Variants in UBL3 observed in about 807,000 individuals in gnomAD.
The protein encoded by UBL3 is ubiquitin-like protein 3.
Under a neutral mutation model 18.4 loss-of-function variants are expected in UBL3, and 6 were observed. The observed-to-expected ratio is 0.33, with a 90% CI of 0.18 to 0.64. The LOEUF is 0.64. Ranked by LOEUF, UBL3 falls within the 30% of genes least tolerant of loss-of-function variation. UBL3 has a pLI of 0.76. For missense variants in UBL3, 109 were observed against 142.9 expected, an observed-to-expected ratio of 0.76 and a Z score of 1.21; for synonymous variants, 49 against 46.6, an observed-to-expected ratio of 1.05 and a Z score of -0.21.
chr13:29,826,483 G>A (rs575242504), intron 1 of UBL3, among the ~76,000 whole-genome samples: 205 of 152,208 alleles, frequency 1.3e-3, no homozygotes, highest in Non-Finnish European at 2.4e-3. Flanking sequence ...GTTTATTTGC[G>A]TAGAGGTGTT....
intron 1 of UBL3, among the ~76,000 whole-genome samples, chr13:29,844,116 C>T (rs1393287385): frequency 6.6e-6 from 1 of 152,166 alleles, no homozygotes; most frequent in Non-Finnish European, 1.5e-5. Flanking sequence ...CTGAGAAACT[C>T]ATGGTGCTGT....
intron 1 of UBL3, among the ~76,000 whole-genome samples, chr13:29,844,596 C>T (rs1469037054): frequency 1.3e-5 from 2 of 152,120 alleles, no homozygotes; most frequent in Non-Finnish European, 2.9e-5. Context: ...GCTATCTTAA[C>T]ACTCAACCTC....
chr13:29,835,111 T>TAA (rs1878900028), intron 1 of UBL3, among the ~76,000 whole-genome samples: 1 of 24,216 alleles, frequency 4.1e-5, no homozygotes, highest in Non-Finnish European at 6.0e-5. Context: ...TATATAAATA[T>TAA]ATATATATAT....
chr13:29,780,211 A>G (rs888690265), intron 1 of UBL3, among the ~76,000 whole-genome samples: 5 of 151,360 alleles, frequency 3.3e-5, no homozygotes, highest in South Asian at 2.1e-4. Context: ...AAAATTAGCC[A>G]GGCATGGTGG....
At position 29,764,660 on chromosome 13, in the gene UBL3, T is replaced by C. The variant is rs534846151; in HGVS notation, c.*2595A>G. The C allele has an allele frequency of 6.6e-6, 1 of 152,318 alleles. No homozygotes were observed. Among genetic ancestry groups the C allele is most frequent in the African/African-American group, 2.4e-5 (1 of 41,564 alleles). The allele number at this position is 152,318 out of a possible 1,614,324, so 9.4% of individuals were successfully genotyped here. On this transcript the variant is annotated 3_prime_UTR_variant, in exon 5 of 5. Coordinates refer to ENST00000380680, the MANE Select transcript of UBL3 (RefSeq NM_007106.4). ...TGCTGAGGTTTTAATAAAGAAAAGCTTGGCCTTGTCCAGAACACTTAACAA... is the reference window on the plus strand; with the variant it reads ...TGCTGAGGTTTTAATAAAGAAAAGCCTGGCCTTGTCCAGAACACTTAACAA...
intron 1 of UBL3, among the ~76,000 whole-genome samples, chr13:29,793,423 T>G (rs1002086066): frequency 1.3e-5 from 2 of 152,192 alleles, no homozygotes; most frequent in Non-Finnish European, 2.9e-5. Flanking sequence ...GGCTCAGAGT[T>G]TTTAAAGAAT....
rs181760803 is a variant in UBL3, at chr13:29,767,076, A to G, written c.*179T>C. 1.3e-3 allele frequency: 710 copies of G among 527,228 alleles called. 1 individual carries two copies. The highest frequency in any genetic ancestry group is 2.0e-3 in the Non-Finnish European group (651 of 320,586). 32.7% of individuals were successfully genotyped at this position (527,228 alleles called of 1,614,324 possible). A position where few individuals can be genotyped will look rare whatever the true frequency, so the allele number is the denominator to read the frequency against. Reference sequence around the variant, plus strand: ...TACAAGAAATAAAAAATCAGAGTGAAAAATGTTCTTGGTTCTTTTTACTTT... The same window carrying G: ...TACAAGAAATAAAAAATCAGAGTGAGAAATGTTCTTGGTTCTTTTTACTTT... On this transcript the variant is annotated 3_prime_UTR_variant, in exon 5 of 5. Coordinates refer to ENST00000380680, the MANE Select transcript of UBL3 (RefSeq NM_007106.4).
Position 29,800,051 on chromosome 13 carries a change from C to T in UBL3, c.28-22788G>A, listed in dbSNP as rs113915273. ...GGCAGGGAATAGGGGGATGACTATA[C>T]TAACATCCAAAGGTTTCAAAAGTTT... On this transcript the variant is annotated intron_variant, in intron 1 of 4. Coordinates refer to ENST00000380680, the MANE Select transcript of UBL3 (RefSeq NM_007106.4). Among the ~76,000 whole-genome samples the T allele has an allele frequency of 5.4e-3, 825 of 152,250 alleles. 9 individuals carry two copies. Among genetic ancestry groups the T allele is most frequent in the African/African-American group, 0.019 (786 of 41,566 alleles).
rs142091854 is a variant in UBL3, at chr13:29,820,319, G to A, written c.27+29193C>T. On this transcript the variant is annotated intron_variant, in intron 1 of 4. Coordinates refer to ENST00000380680, the MANE Select transcript of UBL3 (RefSeq NM_007106.4). Reference sequence around the variant, plus strand: ...AGCCTCCCAAGTATCTGGGACAACAGGCATGTGCCATCATGCCCAGCTAAT... The same window carrying A: ...AGCCTCCCAAGTATCTGGGACAACAAGCATGTGCCATCATGCCCAGCTAAT... Among the ~76,000 whole-genome samples, 12 of 152,108 alleles carry A rather than the reference G, an allele frequency of 7.9e-5. No individual in the cohort carries two copies. The East Asian group carries it at 1.7e-3, about 22-fold the overall frequency.
intron 1 of UBL3, among the ~76,000 whole-genome samples, chr13:29,781,287 T>C (rs1261635766): frequency 2.6e-5 from 4 of 152,228 alleles, no homozygotes; most frequent in African/African-American, 9.6e-5. Context: ...CACATATATA[T>C]GTACAAACTA....
At chr13:29,820,515 C>CT (rs1231678069) in intron 1 of UBL3, among the ~76,000 whole-genome samples, 1 of 152,062 alleles carries the variant, frequency 6.6e-6, no homozygotes, top group Non-Finnish European at 1.5e-5. Flanking sequence ...AGAATGAACT[C>CT]TGAGTTTAGG....
rs57272367 is a variant in UBL3 at position 29,816,754 on chromosome 13, CAAAAAAA to C, written c.27+32751_27+32757del. The stretch of plus-strand genomic sequence containing the variant: ...TGGGTGACTGAGCAAGACCCTGTCT[CAAAAAAA>C]AAAAAAAAAAAAAAAAAAAAAGGAA... On this transcript the variant is annotated intron_variant, in intron 1 of 4. Transcript: ENST00000380680. Among the ~76,000 whole-genome samples, 179 of 42,616 alleles carry C rather than the reference CAAAAAAA, an allele frequency of 4.2e-3. 1 individual carries two copies. The highest frequency in any genetic ancestry group is 7.5e-3 in the Non-Finnish European group (140 of 18,692). 28.0% of individuals were successfully genotyped at this position (42,616 alleles called of 152,430 possible).
intron 1 of UBL3, among the ~76,000 whole-genome samples, chr13:29,806,582 G>C (rs971383236): frequency 1.3e-5 from 2 of 152,296 alleles, no homozygotes; most frequent in Non-Finnish European, 2.9e-5. Flanking sequence ...GGTGGGTGCA[G>C]TGCTGAGGTG....
chr13:29,765,669 G>A lies in UBL3; in HGVS notation c.*1586C>T, dbSNP rs1158848647. 1 of 152,432 alleles carries A rather than the reference G, an allele frequency of 6.6e-6. No individual in the cohort carries two copies. The highest frequency in any genetic ancestry group is 2.4e-5 in the African/African-American group (1 of 41,444). 9.4% of individuals were successfully genotyped at this position (152,432 alleles called of 1,614,324 possible). On this transcript the variant is annotated 3_prime_UTR_variant, in exon 5 of 5. Coordinates refer to ENST00000380680, the MANE Select transcript of UBL3 (RefSeq NM_007106.4). ...GAAGAATCTGTAAGTACAGGTTGCA[G>A]AAAGAAAACGTTTAGTGCTATTTAC... is the stretch of plus-strand genomic sequence containing the variant.
chr13:29,795,934 C>CT (rs983402419), intron 1 of UBL3, among the ~76,000 whole-genome samples: 85 of 141,892 alleles, frequency 6.0e-4, no homozygotes, highest in African/African-American at 1.1e-3. Flanking sequence ...TTTGATCTCT[C>CT]TTTTTTTTTT....
At chr13:29,801,297 C>A (rs1254241522) in intron 1 of UBL3, among the ~76,000 whole-genome samples, 13 of 152,320 alleles carry the variant, frequency 8.5e-5, no homozygotes, top group African/African-American at 2.6e-4. Flanking sequence ...CTACCCCCAG[C>A]TAAGCATTCC....
intron 2 of UBL3, among the ~76,000 whole-genome samples, chr13:29,775,323 T>C (rs1876952083): frequency 6.6e-6 from 1 of 152,190 alleles, no homozygotes; most frequent in African/African-American, 2.4e-5. Flanking sequence ...AAATACGCAT[T>C]ATAATAAAAA....
intron 1 of UBL3, among the ~76,000 whole-genome samples, chr13:29,823,202 G>A (rs772219342): frequency 6.6e-6 from 1 of 152,108 alleles, no homozygotes; most frequent in Non-Finnish European, 1.5e-5. Context: ...GAGTGCAATG[G>A]TGTGATCTCA....
intron 1 of UBL3, among the ~76,000 whole-genome samples, chr13:29,823,946 G>A (rs1375729793): frequency 6.7e-6 from 1 of 148,902 alleles, no homozygotes; most frequent in Non-Finnish European, 1.5e-5. Context: ...CTATGAGTGA[G>A]AACATGCGGT....
Sources: gnomAD v4.1 joint callset for allele counts (sites outside exome capture counted in the v4.1 genomes callset) on GRCh38, gnomAD v4.1.1 for gene constraint, MANE v1.5 for transcripts, NCBI Gene and HGNC (gene_info 2026-07-23, HGNC 2026-07-21) for gene names.